The following CPXM2 variants were observed in gnomAD, a reference collection of about 807,000 sequenced individuals.
The protein encoded by CPXM2 is carboxypeptidase X, M14 family member 2.
In CPXM2, 66 loss-of-function variants were observed where a neutral mutation model predicts 86.1. That is an observed-to-expected ratio of 0.77 (90% CI 0.63 to 0.94). The LOEUF is 0.94. CPXM2 is among the 40% of genes least tolerant of loss of function. The pLI is 0.00. For synonymous variants in CPXM2, 388 were observed against 400.2 expected (o/e 0.97, Z 0.36); for missense variants, 948 against 1,026.3 (o/e 0.92, Z 1.04).
intron 4 of CPXM2, among the ~76,000 whole-genome samples, chr10:123,838,332 G>A (rs1413721751): frequency 6.6e-6 from 1 of 152,078 alleles, no homozygotes; most frequent in Admixed American, 6.5e-5. Context: ...ACAGTGATAG[G>A]TGCCTGTAAT....
intron 3 of CPXM2, among the ~76,000 whole-genome samples, chr10:123,854,263 G>A (rs1460086302): frequency 2.7e-5 from 4 of 148,460 alleles, no homozygotes; most frequent in Non-Finnish European, 5.9e-5. Flanking sequence ...GGAGAGCCTA[G>A]GGGAAACTCA....
At chr10:123,925,937 T>C (rs955673758) in intron 2 of CPXM2, among the ~76,000 whole-genome samples, 2 of 152,252 alleles carry the variant, frequency 1.3e-5, no homozygotes, top group African/African-American at 4.8e-5. Context: ...AAAAGTGCCC[T>C]ATTTTCACTG....
chr10:123,922,914 A>G (rs1945588935), intron 2 of CPXM2, among the ~76,000 whole-genome samples: 1 of 152,184 alleles, frequency 6.6e-6, no homozygotes, highest in African/African-American at 2.4e-5. Flanking sequence ...AATAATCACA[A>G]AGGGAAAAGT....
intron 6 of CPXM2, among the ~76,000 whole-genome samples, chr10:123,784,623 C>G (rs1199556642): frequency 6.6e-6 from 1 of 152,230 alleles, no homozygotes; most frequent in Non-Finnish European, 1.5e-5. Flanking sequence ...TACCCTTCAT[C>G]TCCTTTCAAT....
intron 2 of CPXM2, among the ~76,000 whole-genome samples, chr10:123,866,564 C>CA (rs34989736): frequency 2.3e-4 from 33 of 143,522 alleles, no homozygotes; most frequent in East Asian, 1.8e-3. Flanking sequence ...GACACTGTCT[C>CA]AAAAAAAAAA....
chr10:123,757,011 T>G (rs950476337), intron 12 of CPXM2, among the ~76,000 whole-genome samples: 1 of 152,206 alleles, frequency 6.6e-6, no homozygotes, highest in South Asian at 2.1e-4. Context: ...TCCAGGCCAG[T>G]GGGGACAATG....
chr10:123,788,259 G>A (rs112130524), intron 6 of CPXM2, among the ~76,000 whole-genome samples: 4,398 of 139,954 alleles, frequency 0.031, 76 homozygotes, highest in South Asian at 0.048. Flanking sequence ...CAGCCTGGGC[G>A]ACAGAGCAAG....
intron 3 of CPXM2, among the ~76,000 whole-genome samples, chr10:123,846,508 A>G (rs535583036): frequency 6.6e-6 from 1 of 152,108 alleles, no homozygotes; most frequent in Non-Finnish European, 1.5e-5. Context: ...CTGGCCTGCC[A>G]CTCACTTCTT....
rs115780617 is a variant in CPXM2 at position 123,845,130 on chromosome 10, T to C, written c.514-2642A>G. ...CTCCACCCCCACTCCACAGAGGACC[T>C]GAAATTTTTCTCTGAAAAGAAAGCA... is the stretch of plus-strand genomic sequence containing the variant. On this transcript the variant is annotated intron_variant, in intron 3 of 13. Coordinates refer to ENST00000241305, the MANE Select transcript of CPXM2 (RefSeq NM_198148.3). Among the ~76,000 whole-genome samples, 860 of 150,224 alleles carry C rather than the reference T, an allele frequency of 5.7e-3. 11 individuals are homozygous for C. The highest frequency in any genetic ancestry group is 0.02 in the African/African-American group (830 of 40,810).
intron 2 of CPXM2, among the ~76,000 whole-genome samples, chr10:123,868,391 G>A (rs746448431): frequency 1.1e-4 from 17 of 152,198 alleles, no homozygotes; most frequent in Non-Finnish European, 1.6e-4. Flanking sequence ...TGAATGAACC[G>A]GCGTCCAGGA....
upstream of CPXM2, among the ~76,000 whole-genome samples, chr10:123,896,626 C>G (rs1945340360): frequency 6.6e-6 from 1 of 152,234 alleles, no homozygotes; most frequent in African/African-American, 2.4e-5. Context: ...CTATTGCCTC[C>G]ACTCTGTGGT....
rs1846145933 is a variant in CPXM2, at chr10:123,754,238, C to G, written c.2017+425G>C. 6.6e-6 allele frequency among the ~76,000 whole-genome samples: 1 copy of G among 152,198 alleles called. No individual in the cohort carries two copies. Among genetic ancestry groups the G allele is most frequent in the Admixed American group, 6.5e-5 (1 of 15,284 alleles). The stretch of plus-strand genomic sequence containing the variant: ...TCCCTTCAAACTCTCCACTCCTCCA[C>G]AAGTCACCCAGTCTACAGCTTCTCC... On this transcript the variant is annotated intron_variant, in intron 13 of 13. Transcript: ENST00000241305. The surrounding 1 kb of genome is among the most constrained non-coding windows in gnomAD (Gnocchi z 4.0).
intron 3 of CPXM2, among the ~76,000 whole-genome samples, chr10:123,861,659 T>C (rs7922302): frequency 0.63 from 95,531 of 151,886 alleles, 30,408 homozygotes; most frequent in Admixed American, 0.67. Flanking sequence ...GAAGACTCCA[T>C]CTGCCTTTGC....
chr10:123,818,311 G>A (rs1847854761), intron 4 of CPXM2, among the ~76,000 whole-genome samples: 1 of 152,176 alleles, frequency 6.6e-6, no homozygotes, highest in African/African-American at 2.4e-5. Context: ...TCAGCAACAT[G>A]TACTCCCACT....
Position 123,880,315 on chromosome 10 carries a change from G to A in CPXM2, c.305-6C>T. 2 of 1,311,784 alleles carry A rather than the reference G, an allele frequency of 1.5e-6. No homozygotes were observed. The highest frequency in any genetic ancestry group is 1.7e-5 in the Admixed American group (1 of 59,594). The allele number at this position is 1,311,784 out of a possible 1,614,324, so 81.3% of individuals were successfully genotyped here. On this transcript the variant is annotated splice_polypyrimidine_tract_variant and splice_region_variant and intron_variant, in intron 1 of 13. Transcript: ENST00000241305. Reference sequence around the variant, plus strand: ...TTTTTTGTTGCTGTGTTTACCTAAAGGGGGAGAGAGAGATGCCTTTACTTT... The same window carrying A: ...TTTTTTGTTGCTGTGTTTACCTAAAAGGGGAGAGAGAGATGCCTTTACTTT...
chr10:123,792,186 G>T (rs1161141779), intron 6 of CPXM2, among the ~76,000 whole-genome samples: 1 of 152,180 alleles, frequency 6.6e-6, no homozygotes, highest in Non-Finnish European at 1.5e-5. Context: ...GGGATCTGGT[G>T]ACCTTAGAAA....
At chr10:123,903,979 C>T (rs1945409097) in intron 2 of CPXM2, among the ~76,000 whole-genome samples, 2 of 152,180 alleles carry the variant, frequency 1.3e-5, no homozygotes, top group South Asian at 4.1e-4. Context: ...TGTGTGAGTT[C>T]ACCCCATCTC....
chr10:123,751,108 G>T, intron 13 of CPXM2: 1 of 959,008 alleles, frequency 1.0e-6, no homozygotes, highest in South Asian at 4.8e-5. Context: ...CCAAGAGATG[G>T]ATGAAAGAAG....
At chr10:123,862,442 C>G (rs1175381993) in intron 3 of CPXM2, among the ~76,000 whole-genome samples, 172 bp downstream of exon 3, 1 of 152,240 alleles carries the variant, frequency 6.6e-6, no homozygotes, top group Non-Finnish European at 1.5e-5. Flanking sequence ...GACATTGCCT[C>G]CCTGAGTCTC....
Sources: gnomAD v4.1 joint callset for allele counts (sites outside exome capture counted in the v4.1 genomes callset) on GRCh38, gnomAD v4.1.1 for gene constraint, Gnocchi (gnomAD v3.1) non-coding constraint, MANE v1.5 for transcripts, NCBI Gene and HGNC (gene_info 2026-07-23, HGNC 2026-07-21) for gene names.